The following SEC31B variants were observed in gnomAD, a reference collection of about 807,000 sequenced individuals.
SEC31B encodes protein transport protein Sec31B.
A neutral mutation model predicts 135.0 loss-of-function variants in SEC31B; 113 were observed. The observed-to-expected ratio is 0.84, with a 90% CI of 0.72 to 0.98. The LOEUF is 0.98. Among genes scored for constraint, SEC31B ranks in the 50% least tolerant of loss-of-function variants. The pLI is 0.00. For synonymous variants in SEC31B, 508 were observed against 549.4 expected, an observed-to-expected ratio of 0.92 and a Z score of 1.05; for missense variants, 1,296 against 1,421.1, an observed-to-expected ratio of 0.91 and a Z score of 1.42.
intron 19 of SEC31B, among the ~76,000 whole-genome samples, chr10:100,492,319 G>A (rs1399028899): frequency 3.3e-5 from 5 of 152,118 alleles, no homozygotes; most frequent in African/African-American, 4.8e-5. Context: ...CCACCTCCCG[G>A]GTTCAAGCGA....
rs772919369 is a variant in SEC31B, at chr10:100,507,473, T to C, written c.734A>G (p.Asp245Gly). ...DDRLPVIQLW[D>G]LRFASSPLKV... is the part of the protein sequence containing the mutation. ...CAAGGGCGAGGAGGCAAAGCGCAAG[T>C]CCCACAGCTGAATCACGGGAAGTCG... Residue 245 changes from aspartate to glycine, a missense_variant, in exon 7 of 26, where the codon GAC becomes GGC. Physicochemically the swap from Asp to Gly is moderately conservative, Grantham distance 94. Transcript: ENST00000370345. 12 of 1,614,062 alleles carry C rather than the reference T, an allele frequency of 7.4e-6. No individual in the cohort carries two copies. The highest frequency in any genetic ancestry group is 5.3e-5 in the African/African-American group (4 of 74,922).
At chr10:100,519,556 A>C (rs1257517299) in intron 1 of SEC31B, among the ~76,000 whole-genome samples, 1 of 152,242 alleles carries the variant, frequency 6.6e-6, no homozygotes, top group Admixed American at 6.5e-5. Context: ...GGAGACCCTC[A>C]TCCGGCTGGG....
Position 100,507,553 on chromosome 10 carries a change from G to A in SEC31B, c.654C>T (p.Gly218=). ...SDHSNRMHCS[G]LAWHPDIATQ... is the part of the protein sequence containing the mutation. Reference sequence around the variant, plus strand: ...TGGCTATGTCAGGATGCCAGGCCAGGCCTGAGCAGTGCATCTGTGAACAAA... The same window carrying A: ...TGGCTATGTCAGGATGCCAGGCCAGACCTGAGCAGTGCATCTGTGAACAAA... Residue 218 remains glycine, a synonymous_variant, in exon 7 of 26, where the codon GGC becomes GGT. Coordinates refer to ENST00000370345, the MANE Select transcript of SEC31B (RefSeq NM_015490.4). 1 of 1,614,198 alleles carries A rather than the reference G, an allele frequency of 6.2e-7. No homozygotes were observed. The highest frequency in any genetic ancestry group is 8.5e-7 in the Non-Finnish European group (1 of 1,180,032).
At chr10:100,511,725 A>G (rs1426218217) in intron 3 of SEC31B, among the ~76,000 whole-genome samples, 1 of 152,210 alleles carries the variant, frequency 6.6e-6, no homozygotes, top group Non-Finnish European at 1.5e-5. Context: ...TCCTAGCTTC[A>G]TGTTAGTGAA....
chr10:100,503,459 G>A (rs558065397), intron 10 of SEC31B, among the ~76,000 whole-genome samples: 63 of 149,388 alleles, frequency 4.2e-4, no homozygotes, highest in African/African-American at 1.5e-3. Context: ...TTGAGATGGA[G>A]TTTTGTTCTT....
chr10:100,489,196 C>A, intron 23 of SEC31B, 56 bp downstream of exon 23: 2 of 1,541,474 alleles, frequency 1.3e-6, no homozygotes, highest in Non-Finnish European at 8.7e-7. Context: ...CCATGACCTG[C>A]ACCCAAGGAG....
chr10:100,500,891 A>C lies in SEC31B; in HGVS notation c.1411-1293T>G, dbSNP rs1426968800. Among the ~76,000 whole-genome samples the C allele has an allele frequency of 4.6e-5, 7 of 152,202 alleles. No homozygotes were observed. The East Asian group carries it at 1.4e-3, about 29-fold the overall frequency. ...ACCCAACCAGGAACCATCATGATGG[A>C]CAGCTCTTGGGTAGCTTTTAAACCA... On this transcript the variant is annotated intron_variant, in intron 11 of 25. Coordinates refer to ENST00000370345, the MANE Select transcript of SEC31B (RefSeq NM_015490.4).
At chr10:100,489,455 T>C in intron 22 of SEC31B, 57 bp from the exon 23 acceptor site, 1 of 1,590,100 alleles carries the variant, frequency 6.3e-7, no homozygotes, top group Non-Finnish European at 8.6e-7. Context: ...TGGCTCTGGT[T>C]TTGGGGAGTG....
chr10:100,510,936 C>T (rs1473276362), intron 3 of SEC31B, among the ~76,000 whole-genome samples: 1 of 152,182 alleles, frequency 6.6e-6, no homozygotes, highest in Non-Finnish European at 1.5e-5. Flanking sequence ...GGGTAGAGGG[C>T]ATGTCAACTG....
Position 100,489,980 on chromosome 10 carries a change from A to G in SEC31B, c.2965+28T>C, listed in dbSNP as rs186030288. ...AGGAGCAGGGGAGGCAATAACCCAG[A>G]AGAGGGATCCATGGAAGGAAGACTG... On this transcript the variant is annotated intron_variant, in intron 21 of 25. Coordinates refer to ENST00000370345, the MANE Select transcript of SEC31B (RefSeq NM_015490.4). 6,617 of 1,532,992 alleles carry G rather than the reference A, an allele frequency of 4.3e-3. 31 individuals are homozygous for G. Among genetic ancestry groups the G allele is most frequent in the Non-Finnish European group, 4.2e-3 (4,823 of 1,144,118 alleles). 95.0% of individuals were successfully genotyped at this position (1,532,992 alleles called of 1,614,324 possible). A position where few individuals can be genotyped will look rare whatever the true frequency, so the allele number is the denominator to read the frequency against.
chr10:100,491,169 T>C (rs945230108), intron 19 of SEC31B, among the ~76,000 whole-genome samples: 1 of 152,156 alleles, frequency 6.6e-6, no homozygotes, highest in East Asian at 1.9e-4. Context: ...TTATCAGAAA[T>C]GGACCCATTC....
chr10:100,490,844 G>A lies in SEC31B; in HGVS notation c.2512C>T (p.Gln838Ter). Residue 838 changes from glutamine to a stop codon, truncating the protein, a stop_gained, in exon 20 of 26, where the codon CAG becomes TAG. Coordinates refer to ENST00000370345, the MANE Select transcript of SEC31B (RefSeq NM_015490.4). LOFTEE classifies it high-confidence loss of function. ...GCCAAGGGCATCGCTGGTGATGACT[G>A]AGGGGTGAAAACCCTTGGCCTTGGA... is the stretch of plus-strand genomic sequence containing the variant. ...PSPRPRVFTP[Q>*]SSPAMPLAPS... 1 of 1,582,888 alleles carries A rather than the reference G, an allele frequency of 6.3e-7. No individual in the cohort carries two copies. Among genetic ancestry groups the A allele is most frequent in the Admixed American group, 1.7e-5 (1 of 59,000 alleles).
intron 19 of SEC31B, among the ~76,000 whole-genome samples, chr10:100,494,163 T>G (rs1034440719): frequency 5.9e-5 from 9 of 152,096 alleles, no homozygotes; most frequent in African/African-American, 2.2e-4. Context: ...TGGCCTCACA[T>G]CTTAACAGTA....
chr10:100,497,231 G>A lies in SEC31B; in HGVS notation c.2040C>T (p.Ser680=), dbSNP rs766349247. 2.1e-5 allele frequency: 34 copies of A among 1,614,080 alleles called. No homozygotes were observed. The highest frequency in any genetic ancestry group is 2.7e-5 in the Non-Finnish European group (32 of 1,180,040). The change falls in exon 17 of 26, where the codon TCC becomes TCT. Residue 680 remains serine (S), a synonymous_variant. Transcript: ENST00000370345. ...AGCACACATAACAGAGTCTGGCTTC[G>A]GAGGTTAGTGCCCTGCTGCCCTCCT... ...MEQEGSRALT[S]EARLCYVCSG...
chr10:100,516,309 G>C, intron 2 of SEC31B, 90 bp from the exon 3 acceptor site: 2 of 1,443,286 alleles, frequency 1.4e-6, no homozygotes, highest in Non-Finnish European at 1.9e-6. Flanking sequence ...AGAAGGAACA[G>C]AAGAGGGCTG....
intron 1 of SEC31B, among the ~76,000 whole-genome samples, chr10:100,517,958 G>A (rs899276898): frequency 1.3e-5 from 2 of 151,650 alleles, no homozygotes; most frequent in Non-Finnish European, 2.9e-5. Flanking sequence ...CTCTATTTTC[G>A]CTGCCAACAG....
chr10:100,519,620 G>T (rs1407246765), intron 1 of SEC31B, among the ~76,000 whole-genome samples, 162 bp downstream of exon 1: 1 of 152,258 alleles, frequency 6.6e-6, no homozygotes, highest in Non-Finnish European at 1.5e-5. Context: ...GGTAGACGTA[G>T]TGGAGGCCCC....
chr10:100,493,493 G>A (rs559450055), intron 19 of SEC31B, among the ~76,000 whole-genome samples: 1 of 152,264 alleles, frequency 6.6e-6, no homozygotes, highest in Admixed American at 6.5e-5. Flanking sequence ...GTTATGCTAA[G>A]GGAGAAAAGC....
In SEC31B at chr10:100,497,122, A is replaced by C. The variant is rs2133679711; in HGVS notation, c.2136+13T>G. ...TGGTGTGGAGTGGCCAGTACCCTGC[A>C]GAGAAGGGGTACCTGCAGAGCCATG... On this transcript the variant is annotated intron_variant, in intron 17 of 25. Coordinates refer to ENST00000370345, the MANE Select transcript of SEC31B (RefSeq NM_015490.4). 6 of 1,613,862 alleles carry C rather than the reference A, an allele frequency of 3.7e-6. No homozygotes were observed. In the East Asian group the frequency reaches 1.3e-4, roughly 36 times the overall value.
Sources: allele counts gnomAD v4.1 joint callset (sites outside exome capture counted in the v4.1 genomes callset), GRCh38; gene constraint gnomAD v4.1.1; transcripts MANE v1.5; gene names NCBI Gene and HGNC (gene_info 2026-07-23, HGNC 2026-07-21).